The following FRYL variants were observed in gnomAD, a reference collection of about 807,000 sequenced individuals.
FRYL encodes the protein FRY like transcription coactivator, also known as protein furry homolog-like.
Under a neutral mutation model 351.2 loss-of-function variants are expected in FRYL, and 150 were observed. The observed-to-expected ratio is 0.43, with a 90% CI of 0.37 to 0.49. The LOEUF is 0.49. FRYL is among the 20% of genes least tolerant of loss of function. The probability of loss-of-function intolerance (pLI) is 0.00; values close to 1 mark genes in which losing one functional copy is unlikely to be tolerated. For synonymous variants in FRYL, 1,153 were observed against 1,257.1 expected (o/e 0.92, Z 1.75); for missense variants, 3,036 against 3,619.3 (o/e 0.84, Z 4.13).
chr4:48,601,959 A>G (rs559358148), intron 13 of FRYL, 61 bp downstream of exon 13: 5 of 942,662 alleles, frequency 5.3e-6, no homozygotes, highest in Non-Finnish European at 8.5e-6. Flanking sequence ...TGTTCAATTT[A>G]TATGCATAAA....
chr4:48,635,215 A>G (rs1753981212), intron 3 of FRYL, among the ~76,000 whole-genome samples: 1 of 152,184 alleles, frequency 6.6e-6, no homozygotes, highest in Non-Finnish European at 1.5e-5. Flanking sequence ...ATGCAATTAA[A>G]ATTCAGTGGA....
chr4:48,671,882 A>AAAAAAAAAAAAAAAAAAAAAAAAC (rs1762812928), intron 3 of FRYL, among the ~76,000 whole-genome samples: 1 of 148,094 alleles, frequency 6.8e-6, no homozygotes, highest in Non-Finnish European at 1.5e-5. Flanking sequence ...ACAAAAAAAA[A>AAAAAAAAAAAAAAAAAAAAAAAAC]AAAAAAAAAG....
chr4:48,712,470 G>A (rs373927814), intron 1 of FRYL, among the ~76,000 whole-genome samples: 44 of 152,326 alleles, frequency 2.9e-4, no homozygotes, highest in African/African-American at 8.4e-4. Flanking sequence ...GGGTATCAGC[G>A]ATGGAAGATG....
At chr4:48,553,621 G>C (rs1324001324) in intron 35 of FRYL, among the ~76,000 whole-genome samples, 4 of 150,118 alleles carry the variant, frequency 2.7e-5, no homozygotes, top group Non-Finnish European at 4.4e-5. Flanking sequence ...TAGCGGTTTA[G>C]TGGTTTCCAC....
intron 3 of FRYL, among the ~76,000 whole-genome samples, chr4:48,656,285 CAA>C (rs1251992132): frequency 1.4e-4 from 2 of 14,722 alleles, no homozygotes; most frequent in African/African-American, 5.4e-4. Context: ...AATATGAATT[CAA>C]AATAAATTTG....
chr4:48,698,703 C>G (rs1766436554), intron 2 of FRYL, among the ~76,000 whole-genome samples: 1 of 152,154 alleles, frequency 6.6e-6, no homozygotes, highest in Admixed American at 6.5e-5. Context: ...CTATGGATGA[C>G]CATATAGAAC....
chr4:48,523,898 C>T (rs898162265), intron 53 of FRYL, among the ~76,000 whole-genome samples: 1 of 152,072 alleles, frequency 6.6e-6, no homozygotes, highest in African/African-American at 2.4e-5. Flanking sequence ...TTTTTTGCTA[C>T]AAAATATAAT....
chr4:48,692,237 A>G (rs904762889), intron 2 of FRYL, among the ~76,000 whole-genome samples: 2 of 152,146 alleles, frequency 1.3e-5, no homozygotes, highest in African/African-American at 2.4e-5. Flanking sequence ...ATTTCTTACT[A>G]TGGGCCTAAA....
chr4:48,729,060 G>A (rs1180735069), intron 1 of FRYL, among the ~76,000 whole-genome samples: 1 of 152,264 alleles, frequency 6.6e-6, no homozygotes, highest in African/African-American at 2.4e-5. Context: ...TGGCAGACCA[G>A]GAGATCCCCT....
At chr4:48,719,548 T>C (rs531878555) in intron 1 of FRYL, among the ~76,000 whole-genome samples, 7 of 151,826 alleles carry the variant, frequency 4.6e-5, no homozygotes, top group Admixed American at 1.3e-4. Flanking sequence ...ATTACTCTTG[T>C]TCACTAAAGA....
intron 3 of FRYL, among the ~76,000 whole-genome samples, chr4:48,678,787 T>C (rs1413535009): frequency 1.3e-5 from 2 of 152,142 alleles, no homozygotes; most frequent in Non-Finnish European, 2.9e-5. Flanking sequence ...TGCTGTTTCA[T>C]GATTATGCTT....
Position 48,565,579 on chromosome 4 carries a change from G to GT in FRYL, c.3281dup (p.Tyr1094Ter). 6.2e-7 allele frequency: 1 copy of GT among 1,612,894 alleles called. No homozygotes were observed. The highest frequency in any genetic ancestry group is 8.5e-7 in the Non-Finnish European group (1 of 1,179,616). The change falls in exon 29 of 64, where the codon TAC (tyrosine) becomes TAAC (stop). Residue 1094 changes from tyrosine (Y) to a stop codon, truncating the protein, a stop_gained and frameshift_variant. Coordinates refer to ENST00000358350, the MANE Select transcript of FRYL (RefSeq NM_015030.2). LOFTEE classifies it high-confidence loss of function. ...TATTAATTTGCATATTTCTATCACTGTATCTGTCCAAGGGCGTAAACATGA... is the reference window on the plus strand; with the variant it reads ...TATTAATTTGCATATTTCTATCACTGTTATCTGTCCAAGGGCGTAAACATGA... The part of the protein sequence containing the change: ...FSIMFTPLDR[Y>*]SDRNMQINRH...
chr4:48,530,035 TA>T (rs1245892187), intron 50 of FRYL, among the ~76,000 whole-genome samples: 1 of 152,190 alleles, frequency 6.6e-6, no homozygotes, highest in East Asian at 1.9e-4. Flanking sequence ...CTGAAACCCT[TA>T]ATTTGTTACT....
At chr4:48,754,527 G>A (rs966126015) in intron 1 of FRYL, among the ~76,000 whole-genome samples, 7 of 152,140 alleles carry the variant, frequency 4.6e-5, no homozygotes, top group African/African-American at 1.7e-4. Context: ...TGAGTCATAT[G>A]ACAATTTCAC....
At chr4:48,635,357 T>C (rs762051070) in intron 3 of FRYL, among the ~76,000 whole-genome samples, 15 of 152,092 alleles carry the variant, frequency 9.9e-5, no homozygotes, top group South Asian at 2.1e-4. Flanking sequence ...GGTGAGATCA[T>C]TGCAACTTGG....
intron 47 of FRYL, among the ~76,000 whole-genome samples, chr4:48,536,709 T>C (rs1728968865): frequency 6.6e-6 from 1 of 152,196 alleles, no homozygotes; most frequent in Non-Finnish European, 1.5e-5. Flanking sequence ...TGCTTTTAGT[T>C]TTCCTTTTCC....
intron 3 of FRYL, chr4:48,646,042 A>G (rs1756399630): frequency 6.6e-6 from 1 of 152,188 alleles, no homozygotes; most frequent in Admixed American, 6.5e-5. Flanking sequence ...ACTCATTCAG[A>G]TATTGTTCCA....
At chr4:48,723,311 T>C (rs138589838) in intron 1 of FRYL, among the ~76,000 whole-genome samples, 4,538 of 152,086 alleles carry the variant, frequency 0.03, 229 homozygotes, top group African/African-American at 0.1. Context: ...CCTGGCTAAT[T>C]TTTGTATTTT....
intron 2 of FRYL, among the ~76,000 whole-genome samples, chr4:48,687,491 TC>T (rs1476779385): frequency 0.025 from 5 of 200 alleles, no homozygotes; most frequent in Non-Finnish European, 0.039. Context: ...GCAAATGAGG[TC>T]GGGGGGGGGG....
Sources: allele counts gnomAD v4.1 joint callset (sites outside exome capture counted in the v4.1 genomes callset), GRCh38; gene constraint gnomAD v4.1.1; transcripts MANE v1.5; gene names NCBI Gene and HGNC (gene_info 2026-07-23, HGNC 2026-07-21).